The following DLG2 variants were observed in gnomAD, a reference collection of about 807,000 sequenced individuals.
DLG2 encodes discs large MAGUK scaffold protein 2.
A neutral mutation model predicts 132.5 loss-of-function variants in DLG2; 45 were observed. The observed-to-expected ratio is 0.34, with a 90% CI of 0.27 to 0.44. The LOEUF (loss-of-function observed/expected upper bound fraction) is 0.44. DLG2 is among the 20% of genes least tolerant of loss of function. The probability of loss-of-function intolerance (pLI) is 1.00; values close to 1 mark genes in which losing one functional copy is unlikely to be tolerated. For synonymous variants in DLG2, 424 were observed against 419.6 expected (o/e 1.01, Z -0.13); for missense variants, 1,045 against 1,196.9 (o/e 0.87, Z 1.87).
intron 6 of DLG2, among the ~76,000 whole-genome samples, chr11:84,573,558 A>G (rs939576309): frequency 6.6e-6 from 1 of 152,066 alleles, no homozygotes; most frequent in Admixed American, 6.6e-5. Context: ...TACTGCTGAG[A>G]AAAAAAAGTT....
At chr11:84,493,455 C>T (rs1022521694) in intron 7 of DLG2, among the ~76,000 whole-genome samples, 3 of 152,082 alleles carry the variant, frequency 2.0e-5, no homozygotes, top group Admixed American at 2.0e-4. Context: ...CCTTCCCATC[C>T]TCTCCAACCA....
intron 19 of DLG2, among the ~76,000 whole-genome samples, chr11:83,586,720 T>C (rs1302204831): frequency 1.3e-5 from 2 of 152,198 alleles, no homozygotes; most frequent in East Asian, 3.8e-4. Flanking sequence ...TGAGAGAGAA[T>C]ACAGAGGCAC....
At chr11:84,538,535 A>C (rs886499982) in intron 6 of DLG2, among the ~76,000 whole-genome samples, 5 of 152,120 alleles carry the variant, frequency 3.3e-5, no homozygotes, top group Admixed American at 1.3e-4. Context: ...GATTAGCTTA[A>C]ATTTAGACTG....
rs188759296 is a variant in DLG2, at chr11:84,057,500, A to T, written c.919+1815T>A. 3.3e-5 allele frequency among the ~76,000 whole-genome samples: 5 copies of T among 152,274 alleles called. 1 individual carries two copies. In the East Asian group the frequency reaches 9.7e-4, roughly 29 times the overall value. On this transcript the variant is annotated intron_variant, in intron 11 of 27. Coordinates refer to ENST00000376104, the MANE Select transcript of DLG2 (RefSeq NM_001142699.3). The stretch of plus-strand genomic sequence containing the variant: ...TAAATGTGAGGGTTGAAAGTCTTTC[A>T]TACCACTAGAGACTGTGGCATGAAA...
rs548063449 is a variant in DLG2 at position 85,096,924 on chromosome 11, G to A, written c.357+14737C>T. Reference sequence around the variant, plus strand: ...TTTGGTTTGCCTGGAACTATCTTCCGCTTTTCCTGTACTTCTGGGCTGAGC... The same window carrying A: ...TTTGGTTTGCCTGGAACTATCTTCCACTTTTCCTGTACTTCTGGGCTGAGC... On this transcript the variant is annotated intron_variant, in intron 6 of 27. Coordinates refer to ENST00000376104, the MANE Select transcript of DLG2 (RefSeq NM_001142699.3). 1.3e-4 allele frequency among the ~76,000 whole-genome samples: 20 copies of A among 152,196 alleles called. No homozygotes were observed. In the East Asian group the frequency reaches 2.3e-3, roughly 18 times the overall value.
chr11:85,444,901 C>T (rs760158827), intron 3 of DLG2, among the ~76,000 whole-genome samples: 8 of 152,206 alleles, frequency 5.3e-5, no homozygotes, highest in Non-Finnish European at 1.0e-4. Flanking sequence ...AAAAACTGTA[C>T]TTGCCAGAAC....
chr11:85,519,737 A>G (rs1389162997), intron 3 of DLG2, among the ~76,000 whole-genome samples: 2 of 152,126 alleles, frequency 1.3e-5, no homozygotes, highest in Admixed American at 6.5e-5. Context: ...TCCAAATCTC[A>G]TCTTGAATTC....
In DLG2 at chr11:85,609,929, C is replaced by T. The variant is rs148202937; in HGVS notation, c.-92-11141G>A. Reference sequence around the variant, plus strand: ...TGGGAGACTTTGCTCTCTTCACATGCCTTTCTTGTTATGCCTGAAAGTCCC... The same window carrying T: ...TGGGAGACTTTGCTCTCTTCACATGTCTTTCTTGTTATGCCTGAAAGTCCC... On this transcript the variant is annotated intron_variant, in intron 2 of 27. Transcript: ENST00000376104. 6.7e-3 allele frequency among the ~76,000 whole-genome samples: 1,014 copies of T among 151,288 alleles called. 6 individuals are homozygous for T. The highest frequency in any genetic ancestry group is 0.027 in the Middle Eastern group (8 of 292).
At chr11:85,559,401 G>A (rs932955424) in intron 3 of DLG2, among the ~76,000 whole-genome samples, 71 of 151,082 alleles carry the variant, frequency 4.7e-4, no homozygotes, top group East Asian at 3.9e-4. Flanking sequence ...TGCCCGCCTC[G>A]GCCTCCCAAA....
At chr11:83,866,125 T>C (rs2062318672) in intron 16 of DLG2, among the ~76,000 whole-genome samples, 1 of 152,108 alleles carries the variant, frequency 6.6e-6, no homozygotes, top group Admixed American at 6.6e-5. Context: ...TATTTATTTG[T>C]GTGATTATTC....
At chr11:84,927,724 T>C (rs549209219) in intron 6 of DLG2, among the ~76,000 whole-genome samples, 34 of 152,072 alleles carry the variant, frequency 2.2e-4, no homozygotes, top group African/African-American at 8.2e-4. Context: ...TGTCAGAAAA[T>C]ATTATGATGA....
At chr11:83,953,413 A>T (rs189289005) in intron 14 of DLG2, among the ~76,000 whole-genome samples, 49 of 152,302 alleles carry the variant, frequency 3.2e-4, no homozygotes, top group Non-Finnish European at 5.7e-4. Context: ...GCACATGCGA[A>T]GGATCTAGGT....
intron 9 of DLG2, among the ~76,000 whole-genome samples, chr11:84,118,338 G>T (rs534509991): frequency 6.6e-6 from 1 of 152,278 alleles, no homozygotes; most frequent in South Asian, 2.1e-4. Context: ...GGAAGCCTGA[G>T]AAACTAATTT....
chr11:84,178,026 T>C (rs2096016738), intron 8 of DLG2, among the ~76,000 whole-genome samples: 1 of 151,874 alleles, frequency 6.6e-6, no homozygotes, highest in Non-Finnish European at 1.5e-5. Flanking sequence ...CTGCTGAATG[T>C]TAGTTAACAA....
At chr11:85,055,650 C>T (rs1358741409) in intron 6 of DLG2, among the ~76,000 whole-genome samples, 1 of 152,132 alleles carries the variant, frequency 6.6e-6, no homozygotes, top group African/African-American at 2.4e-5. Context: ...GAATCCAACA[C>T]TATGTGCTGT....
intron 6 of DLG2, among the ~76,000 whole-genome samples, chr11:85,038,420 A>T (rs1318842479): frequency 6.6e-6 from 1 of 152,024 alleles, no homozygotes; most frequent in Non-Finnish European, 1.5e-5. Context: ...ACCCACACAG[A>T]TCATTTCTTT....
intron 6 of DLG2, among the ~76,000 whole-genome samples, chr11:84,562,535 G>C (rs887306527): frequency 2.6e-5 from 4 of 151,962 alleles, no homozygotes; most frequent in African/African-American, 4.8e-5. Context: ...GGAATTGTTT[G>C]TGTCATTTGT....
In DLG2 at chr11:85,017,889, T is replaced by C. The variant is rs927664307; in HGVS notation, c.357+93772A>G. Among the ~76,000 whole-genome samples the C allele has an allele frequency of 7.5e-4, 114 of 152,262 alleles. 1 individual carries two copies. Among genetic ancestry groups the C allele is most frequent in the Non-Finnish European group, 1.2e-4 (8 of 68,016 alleles). ...CTGACCAAAAGATGTCCAAGACACG[T>C]TGGAGTGCAAGGCTTTCTCAGTTAT... On this transcript the variant is annotated intron_variant, in intron 6 of 27. Coordinates refer to ENST00000376104, the MANE Select transcript of DLG2 (RefSeq NM_001142699.3).
chr11:84,188,643 C>G (rs1044134084), intron 8 of DLG2, among the ~76,000 whole-genome samples: 2 of 152,108 alleles, frequency 1.3e-5, no homozygotes, highest in African/African-American at 4.8e-5. Flanking sequence ...TTATTCCTTA[C>G]AAAAACTGGC....
Sources: allele counts gnomAD v4.1 joint callset (sites outside exome capture counted in the v4.1 genomes callset), GRCh38; gene constraint gnomAD v4.1.1; transcripts MANE v1.5; gene names NCBI Gene and HGNC (gene_info 2026-07-23, HGNC 2026-07-21).